The following PITPNC1 variants were observed in gnomAD, a reference collection of about 807,000 sequenced individuals.
PITPNC1 encodes the protein phosphatidylinositol transfer protein cytoplasmic 1, also known as cytoplasmic phosphatidylinositol transfer protein 1.
Under a neutral mutation model 44.7 loss-of-function variants are expected in PITPNC1, and 18 were observed. The ratio of observed to expected loss-of-function variants is 0.40; its 90% CI spans 0.28 to 0.60. The LOEUF (loss-of-function observed/expected upper bound fraction) is 0.60. Ranked by LOEUF, PITPNC1 falls within the 20% of genes least tolerant of loss-of-function variation. The pLI, the probability that PITPNC1 is intolerant of heterozygous loss-of-function variation, is 0.39. For synonymous variants in PITPNC1, 141 were observed against 149.6 expected, an observed-to-expected ratio of 0.94 and a Z score of 0.42; for missense variants, 290 against 418.4, an observed-to-expected ratio of 0.69 and a Z score of 2.68.
At chr17:67,417,729 C>T (rs1182079169) in intron 1 of PITPNC1, among the ~76,000 whole-genome samples, 1 of 152,134 alleles carries the variant, frequency 6.6e-6, no homozygotes, top group Non-Finnish European at 1.5e-5. Flanking sequence ...TTCCCTCAGA[C>T]ATGGGAGCTC....
chr17:67,399,561 C>T (rs1215308880), intron 1 of PITPNC1, among the ~76,000 whole-genome samples: 2 of 152,066 alleles, frequency 1.3e-5, no homozygotes, highest in Non-Finnish European at 2.9e-5. Context: ...ACATCATTTC[C>T]ATAGTCTAAA....
At chr17:67,657,438 C>T (rs1316282611) in intron 6 of PITPNC1, among the ~76,000 whole-genome samples, 1 of 152,066 alleles carries the variant, frequency 6.6e-6, no homozygotes, top group African/African-American at 2.4e-5. Flanking sequence ...TGGGCTATAA[C>T]AAAAACACCC....
Position 67,553,618 on chromosome 17 carries a change from G to GT in PITPNC1, c.294+2dup. 8.2e-7 allele frequency: 1 copy of GT among 1,219,936 alleles called. No individual in the cohort carries two copies. The highest frequency in any genetic ancestry group is 1.1e-6 in the Non-Finnish European group (1 of 877,608). The allele number at this position is 1,219,936 out of a possible 1,614,324, so 75.6% of individuals were successfully genotyped here. A position where few individuals can be genotyped will look rare whatever the true frequency, so the allele number is the denominator to read the frequency against. ...TGAACATGTGGAAACAGAATACACA[G>GT]TAAGTTCCATTTAATTATTTTTAAA... On this transcript the variant is annotated splice_donor_variant, in intron 4 of 8. Coordinates refer to ENST00000581322, the MANE Select transcript of PITPNC1 (RefSeq NM_012417.4). LOFTEE classifies it high-confidence loss of function.
intron 1 of PITPNC1, among the ~76,000 whole-genome samples, chr17:67,526,483 C>G (rs909328132): frequency 6.6e-6 from 1 of 152,112 alleles, no homozygotes; most frequent in Non-Finnish European, 1.5e-5. Context: ...AATCCCAGCA[C>G]TTTGGGAGGC....
chr17:67,583,451 G>A (rs1449726781), intron 5 of PITPNC1, among the ~76,000 whole-genome samples: 2 of 151,760 alleles, frequency 1.3e-5, no homozygotes, highest in Admixed American at 1.3e-4. Context: ...AGCTGGGTGT[G>A]GTGGTGCATG....
At chr17:67,506,341 G>T (rs1287575387) in intron 1 of PITPNC1, among the ~76,000 whole-genome samples, 1 of 152,110 alleles carries the variant, frequency 6.6e-6, no homozygotes, top group Non-Finnish European at 1.5e-5. Flanking sequence ...TTAGATTTAA[G>T]ATATTGTTTT....
chr17:67,664,593 C>G (rs1028501060), intron 6 of PITPNC1, among the ~76,000 whole-genome samples: 5 of 152,040 alleles, frequency 3.3e-5, no homozygotes, highest in African/African-American at 1.2e-4. Flanking sequence ...TCTCGGCGAC[C>G]TGTATATCTT....
intron 1 of PITPNC1, among the ~76,000 whole-genome samples, chr17:67,529,330 T>C (rs2040431489): frequency 6.6e-6 from 1 of 152,130 alleles, no homozygotes; most frequent in African/African-American, 2.4e-5. Flanking sequence ...CGTGAGTGGG[T>C]TGGAGTGCCT....
In PITPNC1 at chr17:67,692,813, C is replaced by A; in HGVS notation, c.924C>A (p.Asp308Glu). The change falls in exon 9 of 9, where the codon GAC (aspartate) becomes GAA (glutamate). Residue 308 changes from aspartate (D) to glutamate (E), a missense_variant. By Grantham distance (45) the Asp-to-Glu change is conservative. Transcript: ENST00000581322. ...CCCCAGAAACTCTCACACTTCCAGA[C>A]CCTGAGAAAAAAGCCACCCTGAATT... ...KSAPETLTLP[D>E]PEKKATLNLP... 1 of 1,613,726 alleles carries A rather than the reference C, an allele frequency of 6.2e-7. No individual in the cohort carries two copies.
intron 5 of PITPNC1, among the ~76,000 whole-genome samples, chr17:67,595,082 G>T (rs1186593639): frequency 2.0e-5 from 3 of 152,132 alleles, no homozygotes; most frequent in African/African-American, 7.2e-5. Flanking sequence ...TAGAATCAAT[G>T]AATTAATTCA....
At chr17:67,632,561 C>A in intron 6 of PITPNC1, 4 of 240,588 alleles carry the variant, frequency 1.7e-5, no homozygotes, top group Non-Finnish European at 2.4e-5. Flanking sequence ...TCCCCAATTA[C>A]ATGCGCTCTT....
At chr17:67,536,516 C>G (rs539227111) in intron 2 of PITPNC1, among the ~76,000 whole-genome samples, 5 of 152,114 alleles carry the variant, frequency 3.3e-5, no homozygotes, top group African/African-American at 1.2e-4. Context: ...CATGAGCCAC[C>G]GTGCCCAGCC....
intron 1 of PITPNC1, among the ~76,000 whole-genome samples, chr17:67,411,698 C>A (rs2038500361): frequency 6.6e-6 from 1 of 152,132 alleles, no homozygotes; most frequent in Non-Finnish European, 1.5e-5. Flanking sequence ...GTTATCATAA[C>A]TGGGGCACGA....
intron 1 of PITPNC1, among the ~76,000 whole-genome samples, chr17:67,397,266 C>G (rs944916233): frequency 6.6e-6 from 1 of 152,224 alleles, no homozygotes; most frequent in Non-Finnish European, 1.5e-5. Context: ...CAGGCGTCAG[C>G]CACCACGCCT....
chr17:67,564,703 A>T (rs567928970), intron 4 of PITPNC1, among the ~76,000 whole-genome samples: 1 of 152,342 alleles, frequency 6.6e-6, no homozygotes, highest in African/African-American at 2.4e-5. Flanking sequence ...AGATTAAATT[A>T]TAAGAATTTT....
chr17:67,392,433 G>C (rs371602531), intron 1 of PITPNC1, among the ~76,000 whole-genome samples: 24 of 152,168 alleles, frequency 1.6e-4, no homozygotes, highest in South Asian at 1.5e-3. Flanking sequence ...TAAAGAGACC[G>C]GGGTCTCGCC....
At chr17:67,467,850 A>C (rs1367241947) in intron 1 of PITPNC1, among the ~76,000 whole-genome samples, 2 of 152,230 alleles carry the variant, frequency 1.3e-5, no homozygotes, top group African/African-American at 4.8e-5. Flanking sequence ...AAACAAGAGC[A>C]TTTCAGAAAC....
chr17:67,665,022 G>A (rs2042402294), intron 6 of PITPNC1, among the ~76,000 whole-genome samples: 1 of 151,928 alleles, frequency 6.6e-6, no homozygotes, highest in Non-Finnish European at 1.5e-5. Context: ...AATGTGTATT[G>A]TTTCCCTTTT....
intron 5 of PITPNC1, among the ~76,000 whole-genome samples, chr17:67,626,785 G>A (rs1397123311): frequency 1.3e-5 from 2 of 149,966 alleles, no homozygotes; most frequent in African/African-American, 4.9e-5. Context: ...AAATTAGGGT[G>A]CTTACAACCA....
Sources: allele counts gnomAD v4.1 joint callset (sites outside exome capture counted in the v4.1 genomes callset), GRCh38; gene constraint gnomAD v4.1.1; transcripts MANE v1.5; gene names NCBI Gene and HGNC (gene_info 2026-07-23, HGNC 2026-07-21).